TPGS2: variants seen among roughly 807,000 people sequenced by gnomAD.
TPGS2 encodes the protein polyglutamylase subunit 2.
In TPGS2, 26 loss-of-function variants were observed where a neutral mutation model predicts 31.1. The observed-to-expected ratio is 0.84, with a 90% confidence interval of 0.61 to 1.16. The LOEUF is 1.16. Ranked by LOEUF, TPGS2 falls within the 50% of genes most tolerant of loss-of-function variation. The pLI is 0.00. For missense variants in TPGS2, 351 were observed against 363.8 expected, an observed-to-expected ratio of 0.96 and a Z score of 0.29; for synonymous variants, 130 against 136.6, an observed-to-expected ratio of 0.95 and a Z score of 0.34.
At chr18:36,780,980 C>T (rs1347825131), downstream of TPGS2, among the ~76,000 whole-genome samples, 4 of 152,342 alleles carry the variant, frequency 2.6e-5, no homozygotes, top group East Asian at 7.7e-4. Flanking sequence ...GACATTATGA[C>T]AGCTACAATG....
At chr18:36,786,676 T>C in intron 6 of TPGS2, 1 of 547,902 alleles carries the variant, frequency 1.8e-6, no homozygotes, top group Non-Finnish European at 2.8e-6. Flanking sequence ...TTGTTGTGTC[T>C]AAAACCACAA....
At chr18:36,808,940 C>T (rs994606405) in intron 2 of TPGS2, among the ~76,000 whole-genome samples, 2 of 152,044 alleles carry the variant, frequency 1.3e-5, no homozygotes, top group Admixed American at 6.5e-5. Flanking sequence ...TCCTGGGCCC[C>T]CTAGAGTGAC....
intron 6 of TPGS2, chr18:36,786,710 T>G (rs2044139354): frequency 1.5e-5 from 12 of 803,890 alleles, no homozygotes; most frequent in Non-Finnish European, 2.0e-5. Context: ...TGATGAGGTG[T>G]GTCTGACCTC....
chr18:36,802,484 G>GA (rs1446601884), intron 4 of TPGS2, among the ~76,000 whole-genome samples: 1 of 151,774 alleles, frequency 6.6e-6, no homozygotes, highest in East Asian at 1.9e-4. Flanking sequence ...GTCAATATAC[G>GA]AATTTTTTTT....
At chr18:36,790,477 T>C (rs569614604), downstream of TPGS2, among the ~76,000 whole-genome samples, 1 of 152,216 alleles carries the variant, frequency 6.6e-6, no homozygotes, top group Non-Finnish European at 1.5e-5. Flanking sequence ...CTAAGAGCTA[T>C]AGGAAACATA....
chr18:36,825,305 G>A (rs1032080418), intron 1 of TPGS2, among the ~76,000 whole-genome samples: 6 of 151,764 alleles, frequency 4.0e-5, no homozygotes, highest in Middle Eastern at 3.2e-3. Context: ...GGTGGTGGGC[G>A]CCTGGAGTCC....
At chr18:36,818,265 C>T (rs561015234) in intron 2 of TPGS2, among the ~76,000 whole-genome samples, 5 of 152,306 alleles carry the variant, frequency 3.3e-5, no homozygotes, top group African/African-American at 1.2e-4. Context: ...CTTTACCTCT[C>T]TTTCACAGTA....
chr18:36,798,905 T>C (rs545857688), intron 5 of TPGS2, among the ~76,000 whole-genome samples: 1 of 152,322 alleles, frequency 6.6e-6, no homozygotes, highest in Non-Finnish European at 1.5e-5. Context: ...GCTACTCCTT[T>C]TCTGTGTGTC....
chr18:36,803,936 T>C (rs929973230), intron 4 of TPGS2, among the ~76,000 whole-genome samples: 1 of 152,128 alleles, frequency 6.6e-6, no homozygotes, highest in Non-Finnish European at 1.5e-5. Flanking sequence ...TTGCCCAGGC[T>C]AGAGTGTGGT....
At chr18:36,817,152 G>A (rs915213282) in intron 2 of TPGS2, among the ~76,000 whole-genome samples, 1 of 152,210 alleles carries the variant, frequency 6.6e-6, no homozygotes, top group Admixed American at 6.5e-5. Flanking sequence ...GGAGGTGGGG[G>A]CTGAGTGAGA....
chr18:36,813,791 G>C (rs62083204), intron 2 of TPGS2, among the ~76,000 whole-genome samples: 2 of 152,206 alleles, frequency 1.3e-5, no homozygotes, highest in African/African-American at 4.8e-5. Context: ...AGCCCCTATG[G>C]GGAAGCTGCC....
chr18:36,800,495 C>T (rs889554432), intron 4 of TPGS2, among the ~76,000 whole-genome samples, 184 bp from the exon 5 acceptor site: 2 of 152,290 alleles, frequency 1.3e-5, no homozygotes, highest in Admixed American at 6.5e-5. Flanking sequence ...ATGGACTAGG[C>T]CTTCTGTCTG....
downstream of TPGS2, among the ~76,000 whole-genome samples, chr18:36,793,538 A>G (rs1468320340): frequency 6.6e-6 from 1 of 152,124 alleles, no homozygotes; most frequent in South Asian, 2.1e-4. Context: ...TTTTACTCAT[A>G]TACATTCCTG....
chr18:36,795,829 C>CA lies in TPGS2; in HGVS notation c.*975dup. On this transcript the variant is annotated 3_prime_UTR_variant, in exon 7 of 7. Transcript: ENST00000334295. ...CCAGGCAAAGTGAGGCTGGACAACT[C>CA]AGAGCTGTGAAGAGGCAGGCAGAGC... The CA allele has an allele frequency of 1.0e-6, 1 of 985,466 alleles. No individual in the cohort carries two copies. 61.0% of individuals were successfully genotyped at this position (985,466 alleles called of 1,614,324 possible). A position where few individuals can be genotyped will look rare whatever the true frequency, so the allele number is the denominator to read the frequency against.
chr18:36,793,926 A>G (rs1234611787), downstream of TPGS2, among the ~76,000 whole-genome samples: 1 of 152,010 alleles, frequency 6.6e-6, no homozygotes, highest in Non-Finnish European at 1.5e-5. Context: ...TATTTTTAGT[A>G]GAGATGGGGT....
intron 6 of TPGS2, chr18:36,783,197 A>C (rs1172647626): frequency 5.1e-6 from 2 of 395,684 alleles, no homozygotes; most frequent in Non-Finnish European, 8.9e-6. Context: ...AAACTAAAGG[A>C]TGTTTCCTGT....
chr18:36,789,415 A>G (rs981412425), downstream of TPGS2: 2 of 152,198 alleles, frequency 1.3e-5, no homozygotes, highest in African/African-American at 4.8e-5. Context: ...TGATTACTGA[A>G]TACTTGAAAT....
chr18:36,806,549 C>T (rs2045142462), intron 3 of TPGS2, among the ~76,000 whole-genome samples: 1 of 152,040 alleles, frequency 6.6e-6, no homozygotes, highest in Non-Finnish European at 1.5e-5. Context: ...TATTCACTAG[C>T]AAGCTATAAA....
intron 4 of TPGS2, 54 bp from the exon 5 acceptor site, chr18:36,800,365 AC>A: frequency 6.7e-7 from 1 of 1,485,914 alleles, no homozygotes; most frequent in South Asian, 1.1e-5. Flanking sequence ...TCAAACACAT[AC>A]CTATATATCC....
Sources: gnomAD v4.1 joint callset for allele counts (sites outside exome capture counted in the v4.1 genomes callset) on GRCh38, gnomAD v4.1.1 for gene constraint, MANE v1.5 for transcripts, NCBI Gene and HGNC (gene_info 2026-07-23, HGNC 2026-07-21) for gene names.